The following IGSF11 variants were observed in gnomAD, a reference collection of about 807,000 sequenced individuals.
IGSF11 encodes the protein CXADR like 1.
In IGSF11, 22 loss-of-function variants were observed where a neutral mutation model predicts 41.0. That is an observed-to-expected ratio of 0.54 (90% CI 0.38 to 0.77). The LOEUF (loss-of-function observed/expected upper bound fraction) is 0.77, where lower values mean the gene tolerates loss of function less well. IGSF11 is among the 30% of genes least tolerant of loss of function. The probability of loss-of-function intolerance (pLI) is 0.00; values close to 1 mark genes in which losing one functional copy is unlikely to be tolerated. For synonymous variants in IGSF11, 219 were observed against 201.3 expected (o/e 1.09, Z -0.74); for missense variants, 444 against 530.8 (o/e 0.84, Z 1.61).
At chr3:119,103,344 C>A (rs2076969008) in intron 1 of IGSF11, among the ~76,000 whole-genome samples, 1 of 151,772 alleles carries the variant, frequency 6.6e-6, no homozygotes, top group Non-Finnish European at 1.5e-5. Flanking sequence ...ATGAGTTTTT[C>A]TTTCTCTGCT....
intron 1 of IGSF11, among the ~76,000 whole-genome samples, chr3:118,976,219 A>C (rs1285649645): frequency 6.6e-6 from 1 of 152,336 alleles, no homozygotes; most frequent in Middle Eastern, 3.4e-3. Flanking sequence ...ATGGTGTGTC[A>C]AACTTCCAGC....
intron 1 of IGSF11, among the ~76,000 whole-genome samples, chr3:119,040,544 T>C (rs960124899): frequency 1.3e-5 from 2 of 152,200 alleles, no homozygotes; most frequent in Middle Eastern, 3.2e-3. Flanking sequence ...AAATAAAAAA[T>C]TTAAAAGACA....
intron 1 of IGSF11, among the ~76,000 whole-genome samples, chr3:118,958,384 G>T (rs1945107194): frequency 6.6e-6 from 1 of 152,118 alleles, no homozygotes; most frequent in Non-Finnish European, 1.5e-5. Flanking sequence ...AAAGGACAGG[G>T]AACATAGAAT....
chr3:119,005,015 C>A (rs1039392138), intron 1 of IGSF11, among the ~76,000 whole-genome samples: 3 of 149,572 alleles, frequency 2.0e-5, no homozygotes, highest in Non-Finnish European at 3.0e-5. Context: ...TCCTGGGTAT[C>A]CTTGTTGACT....
At chr3:119,046,151 T>C (rs549402592) in intron 1 of IGSF11, among the ~76,000 whole-genome samples, 111 of 150,764 alleles carry the variant, frequency 7.4e-4, no homozygotes, top group African/African-American at 2.3e-3. Context: ...GGAGAATGAC[T>C]TTGACGAGCT....
At chr3:119,017,590 G>T (rs1938846838) in intron 1 of IGSF11, among the ~76,000 whole-genome samples, 2 of 152,136 alleles carry the variant, frequency 1.3e-5, no homozygotes, top group African/African-American at 4.8e-5. Flanking sequence ...TGAGCCATGT[G>T]ATCTTATTTA....
intron 4 of IGSF11, among the ~76,000 whole-genome samples, chr3:118,913,176 G>C (rs1940565452): frequency 6.6e-6 from 1 of 150,966 alleles, no homozygotes; most frequent in African/African-American, 2.4e-5. Context: ...ATAAGCAAAG[G>C]ATTAAAAAAA....
intron 1 of IGSF11, among the ~76,000 whole-genome samples, chr3:118,989,990 A>T (rs1355998070): frequency 1.3e-5 from 2 of 152,164 alleles, no homozygotes; most frequent in Non-Finnish European, 2.9e-5. Context: ...GAGCATCTGC[A>T]AAGGCTCGGG....
At chr3:119,055,141 C>G (rs539535499) in intron 1 of IGSF11, among the ~76,000 whole-genome samples, 10 of 152,258 alleles carry the variant, frequency 6.6e-5, no homozygotes, top group African/African-American at 2.2e-4. Flanking sequence ...GGAAAACTAA[C>G]AAACAGAAAG....
intron 1 of IGSF11, among the ~76,000 whole-genome samples, chr3:119,123,474 C>G (rs1211418497): frequency 6.6e-6 from 1 of 152,218 alleles, no homozygotes; most frequent in Non-Finnish European, 1.5e-5. Context: ...CGCTTGCCAC[C>G]TGCTGATTGT....
At chr3:118,968,074 A>G (rs931353357) in intron 1 of IGSF11, among the ~76,000 whole-genome samples, 4 of 152,226 alleles carry the variant, frequency 2.6e-5, no homozygotes, top group African/African-American at 9.6e-5. Flanking sequence ...AATTATTTGT[A>G]AGGTGCCATC....
intron 1 of IGSF11, among the ~76,000 whole-genome samples, chr3:119,064,125 C>A (rs1391619845): frequency 2.6e-5 from 4 of 152,256 alleles, no homozygotes; most frequent in African/African-American, 9.6e-5. Flanking sequence ...AAAATGACCA[C>A]AGATCAGAGA....
chr3:118,920,654 C>T lies in IGSF11; in HGVS notation c.580+5447G>A, dbSNP rs547487822. Among the ~76,000 whole-genome samples, 23 of 152,070 alleles carry T rather than the reference C, an allele frequency of 1.5e-4. 1 individual carries two copies. In the East Asian group the frequency reaches 2.3e-3, roughly 15 times the overall value. ...ACAGAGAAAAACGAAATATAACAAG[C>T]TTGTAAGCATCTAATGACACACACT... On this transcript the variant is annotated intron_variant, in intron 4 of 6. Transcript: ENST00000393775.
chr3:119,074,063 T>G (rs192243659), intron 1 of IGSF11, among the ~76,000 whole-genome samples: 3 of 152,322 alleles, frequency 2.0e-5, no homozygotes. Context: ...CACACAGTAA[T>G]AGTGGGAGAT....
At position 119,138,482 on chromosome 3, in the gene IGSF11, C is replaced by T. The variant is rs550637366; in HGVS notation, c.-14+7331G>A. Among the ~76,000 whole-genome samples, 11 of 152,252 alleles carry T rather than the reference C, an allele frequency of 7.2e-5. 1 individual carries two copies. The South Asian group carries it at 8.3e-4, about 11-fold the overall frequency. On this transcript the variant is annotated intron_variant, in intron 1 of 7. Coordinates refer to the IGSF11 transcript ENST00000425327. ...GGCAGATCACTTGAGTTCTGGAATTCGAGACCAGCCTGGCCAACATGGTGA... is the reference window on the plus strand; with the variant it reads ...GGCAGATCACTTGAGTTCTGGAATTTGAGACCAGCCTGGCCAACATGGTGA...
chr3:118,993,938 T>C (rs983944932), intron 1 of IGSF11, among the ~76,000 whole-genome samples: 3 of 152,250 alleles, frequency 2.0e-5, no homozygotes, highest in African/African-American at 7.2e-5. Context: ...AATTAGATAA[T>C]GGTACTCGCT....
At chr3:119,130,509 G>C (rs2077467308) in intron 1 of IGSF11, among the ~76,000 whole-genome samples, 1 of 152,210 alleles carries the variant, frequency 6.6e-6, no homozygotes. Flanking sequence ...GGGGGGAGGG[G>C]CATCCACATT....
chr3:118,955,245 CACACACACAT>C lies in IGSF11; in HGVS notation c.53-24980_53-24971del, dbSNP rs1179007409. 4.6e-5 allele frequency among the ~76,000 whole-genome samples: 6 copies of C among 129,382 alleles called. No individual in the cohort carries two copies. The East Asian group carries it at 6.5e-4, about 14-fold the overall frequency. 84.9% of individuals were successfully genotyped at this position (129,382 alleles called of 152,430 possible). On this transcript the variant is annotated intron_variant, in intron 1 of 6. Transcript: ENST00000393775. ...ACACACACACACACACACACACACA[CACACACACAT>C]ACACACACACACCATGGAATACTAC...
At chr3:118,953,865 G>A (rs547435464) in intron 1 of IGSF11, among the ~76,000 whole-genome samples, 22 of 152,220 alleles carry the variant, frequency 1.4e-4, no homozygotes, top group Admixed American at 7.9e-4. Context: ...AGTTTACTCC[G>A]CTGATGGTTT....
Sources: allele counts gnomAD v4.1 joint callset (sites outside exome capture counted in the v4.1 genomes callset), GRCh38; gene constraint gnomAD v4.1.1; transcripts MANE v1.5; gene names NCBI Gene and HGNC (gene_info 2026-07-23, HGNC 2026-07-21).